Variants in EPB41L5 observed in about 807,000 individuals in gnomAD.
EPB41L5 encodes the protein erythrocyte membrane protein band 4.1 like 5, also known as band 4.1-like protein 5.
Under a neutral mutation model 106.6 loss-of-function variants are expected in EPB41L5, and 55 were observed. That is an observed-to-expected ratio of 0.52 (90% CI 0.42 to 0.65). The LOEUF (loss-of-function observed/expected upper bound fraction) is 0.65. Among genes scored for constraint, EPB41L5 ranks in the 30% least tolerant of loss-of-function variants. EPB41L5 has a pLI of 0.00. For synonymous variants in EPB41L5, 297 were observed against 306.7 expected, an observed-to-expected ratio of 0.97 and a Z score of 0.33; for missense variants, 871 against 882.1, an observed-to-expected ratio of 0.99 and a Z score of 0.16.
At chr2:120,015,081 TGGGAG>T (rs938909714) in intron 1 of EPB41L5, among the ~76,000 whole-genome samples, 13 of 151,060 alleles carry the variant, frequency 8.6e-5, no homozygotes, top group African/African-American at 3.2e-4. Flanking sequence ...CCCAGCACTT[TGGGAG>T]GCCGAGGCGG....
At chr2:120,142,296 C>G (rs1325347485) in intron 18 of EPB41L5, among the ~76,000 whole-genome samples, 1 of 152,026 alleles carries the variant, frequency 6.6e-6, no homozygotes, top group South Asian at 2.1e-4. Context: ...GGATTTATGA[C>G]CTATCAAGAT....
intron 20 of EPB41L5, among the ~76,000 whole-genome samples, chr2:120,151,329 A>G (rs1003441360): frequency 3.3e-5 from 5 of 151,902 alleles, no homozygotes; most frequent in East Asian, 3.8e-4. Context: ...AATAATGCAG[A>G]AAAAAACCTA....
chr2:120,168,004 C>G lies in EPB41L5; in HGVS notation c.2132C>G (p.Thr711Ser), dbSNP rs41279788. The G allele has an allele frequency of 8.7e-6, 14 of 1,613,868 alleles. No individual in the cohort carries two copies. The highest frequency in any genetic ancestry group is 1.7e-5 in the Admixed American group (1 of 59,998). ...GCGCCATTCTTGGTAGATGCTGTGA[C>G]CAGGTGAGAAAATTATTTCTCATTT... is the stretch of plus-strand genomic sequence containing the variant. ...PPAPFLVDAV[T>S]SSGPILAEEA... Residue 711 changes from threonine (T) to serine (S), a missense_variant, in exon 24 of 25, where the codon ACC (threonine) becomes AGC (serine). Transcript: ENST00000263713.
chr2:120,094,643 T>A (rs1683626369), intron 14 of EPB41L5, among the ~76,000 whole-genome samples: 1 of 152,134 alleles, frequency 6.6e-6, no homozygotes. Context: ...GTTTTTCTAG[T>A]ATTTAAGGTG....
intron 19 of EPB41L5, among the ~76,000 whole-genome samples, chr2:120,144,174 ATGGGGCCTTTGGT>A (rs1686300700): frequency 6.6e-6 from 1 of 152,202 alleles, no homozygotes; most frequent in African/African-American, 2.4e-5. Context: ...GTATTAACAG[ATGGGGCCTTTGGT>A]AGAGCCCCCA....
chr2:120,154,336 T>G (rs992897338), intron 20 of EPB41L5, among the ~76,000 whole-genome samples: 4 of 151,708 alleles, frequency 2.6e-5, no homozygotes, highest in South Asian at 4.2e-4. Context: ...TTTTTTTTTT[T>G]GTATTTTTAG....
intron 24 of EPB41L5, among the ~76,000 whole-genome samples, chr2:120,172,438 C>G (rs1207591794): frequency 6.6e-6 from 1 of 152,208 alleles, no homozygotes; most frequent in African/African-American, 2.4e-5. Flanking sequence ...ATCAGAATGG[C>G]AGCAGACTTT....
rs1031874340 is a variant in EPB41L5, at chr2:120,052,356, A to G, written c.285+10246A>G. On this transcript the variant is annotated intron_variant, in intron 3 of 24. Transcript: ENST00000263713. ...GTGATTCTGTGTTTCGTTCTGTCCT[A>G]TTGGGTGTCATGTACTTTCATTTGG... 2.6e-5 allele frequency among the ~76,000 whole-genome samples: 4 copies of G among 152,292 alleles called. 1 individual carries two copies. Among genetic ancestry groups the G allele is most frequent in the African/African-American group, 9.6e-5 (4 of 41,558 alleles).
At chr2:120,086,821 G>A (rs1683090981) in intron 10 of EPB41L5, among the ~76,000 whole-genome samples, 1 of 152,124 alleles carries the variant, frequency 6.6e-6, no homozygotes, top group Non-Finnish European at 1.5e-5. Flanking sequence ...TCGTTCCTAT[G>A]TCTAGTTCCT....
At chr2:120,152,490 C>T (rs1467170347) in intron 20 of EPB41L5, among the ~76,000 whole-genome samples, 3 of 152,270 alleles carry the variant, frequency 2.0e-5, no homozygotes, top group Non-Finnish European at 4.4e-5. Context: ...TGGCCTTAAG[C>T]AGTACTTCTA....
At chr2:120,020,256 A>C (rs760997837) in intron 2 of EPB41L5, among the ~76,000 whole-genome samples, 24 of 152,218 alleles carry the variant, frequency 1.6e-4, no homozygotes, top group Non-Finnish European at 1.3e-4. Context: ...GTGATAGCCT[A>C]CGTGCTGCTG....
intron 22 of EPB41L5, among the ~76,000 whole-genome samples, chr2:120,165,701 C>G (rs1687367935): frequency 6.6e-6 from 1 of 152,134 alleles, no homozygotes; most frequent in Non-Finnish European, 1.5e-5. Flanking sequence ...GACACGGTGG[C>G]TCACGCCTGT....
chr2:120,069,760 T>C (rs1380899638), intron 3 of EPB41L5, among the ~76,000 whole-genome samples: 2 of 152,192 alleles, frequency 1.3e-5, no homozygotes, highest in Non-Finnish European at 2.9e-5. Flanking sequence ...GTAAGTTCTT[T>C]GAAACCAATG....
At chr2:120,088,614 T>G (rs914651465) in intron 11 of EPB41L5, among the ~76,000 whole-genome samples, 45 of 152,056 alleles carry the variant, frequency 3.0e-4, no homozygotes, top group Non-Finnish European at 6.3e-4. Flanking sequence ...TAAAAAAGAG[T>G]GCTGCTCTGA....
intron 3 of EPB41L5, among the ~76,000 whole-genome samples, chr2:120,066,991 G>T (rs1681487041): frequency 6.6e-6 from 1 of 152,096 alleles, no homozygotes; most frequent in African/African-American, 2.4e-5. Context: ...CTACTGGCAG[G>T]CCTAGTGTTC....
At chr2:120,018,336 G>A (rs1210156088) in intron 1 of EPB41L5, among the ~76,000 whole-genome samples, 1 of 152,058 alleles carries the variant, frequency 6.6e-6, no homozygotes, top group Non-Finnish European at 1.5e-5. Flanking sequence ...TATACAAGAT[G>A]TTGTACATAT....
At chr2:120,044,659 T>C (rs773034254) in intron 3 of EPB41L5, among the ~76,000 whole-genome samples, 2 of 152,198 alleles carry the variant, frequency 1.3e-5, no homozygotes, top group Non-Finnish European at 2.9e-5. Context: ...TTTGCTAATA[T>C]TAGCAATTAC....
chr2:120,095,231 T>C (rs1216931014), intron 14 of EPB41L5, among the ~76,000 whole-genome samples: 2 of 152,218 alleles, frequency 1.3e-5, no homozygotes, highest in African/African-American at 2.4e-5. Context: ...TTAATTGTTA[T>C]ATTATCCTGA....
At chr2:120,033,770 G>A (rs951112297) in intron 2 of EPB41L5, among the ~76,000 whole-genome samples, 3 of 149,052 alleles carry the variant, frequency 2.0e-5, no homozygotes, top group Non-Finnish European at 3.0e-5. Context: ...GGCGAAAACC[G>A]CAATTACTTT....
Sources: allele counts gnomAD v4.1 joint callset (sites outside exome capture counted in the v4.1 genomes callset), GRCh38; gene constraint gnomAD v4.1.1; transcripts MANE v1.5; gene names NCBI Gene and HGNC (gene_info 2026-07-23, HGNC 2026-07-21).